The following HPCAL1 variants were observed in gnomAD, a reference collection of about 807,000 sequenced individuals.
HPCAL1 encodes hippocalcin like 1.
In HPCAL1, 8 loss-of-function variants were observed where a neutral mutation model predicts 17.1. The ratio of observed to expected loss-of-function variants is 0.47; its 90% CI spans 0.27 to 0.84. The LOEUF is 0.84. Among genes scored for constraint, HPCAL1 ranks in the 40% least tolerant of loss-of-function variants. The pLI is 0.13. For missense variants in HPCAL1, 165 were observed against 271.1 expected (o/e 0.61, Z 2.75); for synonymous variants, 112 against 111.4 (o/e 1.01, Z -0.03).
At chr2:10,417,299 G>T (rs1270306178) in intron 2 of HPCAL1, among the ~76,000 whole-genome samples, 1 of 151,664 alleles carries the variant, frequency 6.6e-6, no homozygotes, top group African/African-American at 2.4e-5. Context: ...GGAGGCGGAG[G>T]TTGCAGTGAG....
intron 2 of HPCAL1, among the ~76,000 whole-genome samples, chr2:10,399,938 C>T (rs1178460795): frequency 6.6e-6 from 1 of 152,192 alleles, no homozygotes; most frequent in Non-Finnish European, 1.5e-5. Flanking sequence ...CCAGAGTAAA[C>T]CTGGCCCCAA....
At chr2:10,303,674 C>T (rs1366652958) in intron 1 of HPCAL1, 1 of 151,634 alleles carries the variant, frequency 6.6e-6, no homozygotes, top group Non-Finnish European at 1.5e-5. Context: ...GGAACAGGTC[C>T]GTGCGGCCCA....
intron 1 of HPCAL1, among the ~76,000 whole-genome samples, chr2:10,334,582 G>T (rs1000621818): frequency 6.6e-6 from 1 of 151,938 alleles, no homozygotes; most frequent in Non-Finnish European, 1.5e-5. Context: ...TTTGTAATTT[G>T]TTCTTGACTA....
Position 10,359,790 on chromosome 2 carries a change from G to A in HPCAL1, c.-110-37045G>A, listed in dbSNP as rs554415415. Among the ~76,000 whole-genome samples, 126 of 152,272 alleles carry A rather than the reference G, an allele frequency of 8.3e-4. No homozygotes were observed. The highest frequency in any genetic ancestry group is 1.8e-3 in the Admixed American group (28 of 15,304). ...TCCCCGTGTCCCCCACAGCGGTGGC[G>A]GTTTTATTGATGTATTGTGAAGGCA... On this transcript the variant is annotated intron_variant, in intron 1 of 4. Transcript: ENST00000307845. The surrounding 1 kb of genome is among the most constrained non-coding windows in gnomAD (Gnocchi z 4.1).
intron 1 of HPCAL1, among the ~76,000 whole-genome samples, chr2:10,339,864 TGTGCGTTGAGGCCTGAGCCCCTGC>T (rs1279536209): frequency 6.6e-6 from 1 of 152,216 alleles, no homozygotes; most frequent in African/African-American, 2.4e-5. Context: ...CTGGGGTTCC[TGTGCGTTGAGGCCTGAGCCCCTGC>T]GTGCGCCCAG....
chr2:10,313,010 G>A (rs937375841), intron 1 of HPCAL1, among the ~76,000 whole-genome samples: 17 of 152,188 alleles, frequency 1.1e-4, no homozygotes, highest in African/African-American at 2.2e-4. Flanking sequence ...TGGTGAGTTA[G>A]CTGTTCTTTG....
rs563723358 is a variant in HPCAL1, at chr2:10,395,073, A to C, written c.-110-1762A>C. Among the ~76,000 whole-genome samples the C allele has an allele frequency of 1.1e-4, 17 of 151,646 alleles. 1 individual carries two copies. The South Asian group carries it at 3.5e-3, about 32-fold the overall frequency. ...CAGCTTCCCAGAGTGCTGGGATTAC[A>C]GGCGTGAACAATGGTGTCCAGCCTA... On this transcript the variant is annotated intron_variant, in intron 1 of 4. Transcript: ENST00000307845. This position sits in a 1 kb window ranked among gnomAD's most constrained non-coding sequence, Gnocchi z 4.4.
At chr2:10,421,805 C>T (rs948260453) in intron 3 of HPCAL1, among the ~76,000 whole-genome samples, 6 of 152,154 alleles carry the variant, frequency 3.9e-5, no homozygotes, top group Admixed American at 1.3e-4. Flanking sequence ...GTATCAAATC[C>T]GTGAACTTCT....
At chr2:10,410,391 C>T (rs3771126) in intron 2 of HPCAL1, among the ~76,000 whole-genome samples, 40,159 of 148,956 alleles carry the variant, frequency 0.27, 5,777 homozygotes, top group Middle Eastern at 0.38. Flanking sequence ...GGCTCCCCAG[C>T]TGCATGTTTA....
At chr2:10,317,217 T>A (rs1663370506) in intron 1 of HPCAL1, among the ~76,000 whole-genome samples, 3 of 152,198 alleles carry the variant, frequency 2.0e-5, no homozygotes, top group African/African-American at 7.2e-5. Context: ...TACAGTGTGA[T>A]TTCTGACATA....
At chr2:10,333,057 C>G (rs996353330) in intron 1 of HPCAL1, among the ~76,000 whole-genome samples, 1 of 151,614 alleles carries the variant, frequency 6.6e-6, no homozygotes, top group African/African-American at 2.4e-5. Flanking sequence ...CACAGTGGGC[C>G]CTGCCTGAGC....
At chr2:10,339,891 G>A (rs1664966198) in intron 1 of HPCAL1, among the ~76,000 whole-genome samples, 1 of 152,208 alleles carries the variant, frequency 6.6e-6, no homozygotes, top group Non-Finnish European at 1.5e-5. Flanking sequence ...GCCCCTGCGT[G>A]CGCCCAGCGG....
intron 1 of HPCAL1, chr2:10,324,422 G>A (rs1663859788): frequency 6.6e-6 from 1 of 152,218 alleles, no homozygotes; most frequent in Admixed American, 6.5e-5. Flanking sequence ...GGTTCAGCCA[G>A]AACTACCAGT....
Position 10,354,857 on chromosome 2 carries a change from C to T in HPCAL1, c.-110-41978C>T, listed in dbSNP as rs1437740794. On this transcript the variant is annotated intron_variant, in intron 1 of 4. Coordinates refer to ENST00000307845, the MANE Select transcript of HPCAL1 (RefSeq NM_002149.4). This position sits in a 1 kb window ranked among gnomAD's most constrained non-coding sequence, Gnocchi z 5.1. ...CTTGTGTTAGAACTTAATGATGCGA[C>T]GTTTGCTTTGCAAACTGTGGTCCCC... Among the ~76,000 whole-genome samples the T allele has an allele frequency of 4.6e-5, 7 of 152,246 alleles. No homozygotes were observed. Among genetic ancestry groups the T allele is most frequent in the Non-Finnish European group, 8.8e-5 (6 of 68,046 alleles).
intron 3 of HPCAL1, among the ~76,000 whole-genome samples, chr2:10,422,434 C>T (rs1671122769): frequency 6.6e-6 from 1 of 152,202 alleles, no homozygotes; most frequent in African/African-American, 2.4e-5. Context: ...CTGGGCCACT[C>T]AGGCAGAGAC....
At chr2:10,417,648 A>ATTATTGGCACAGG (rs1484649145) in intron 2 of HPCAL1, among the ~76,000 whole-genome samples, 1 of 152,208 alleles carries the variant, frequency 6.6e-6, no homozygotes, top group Admixed American at 6.5e-5. Flanking sequence ...ACCTGCACAG[A>ATTATTGGCACAGG]TTATTTGCAC....
chr2:10,389,315 T>TGTG (rs1558509269), intron 1 of HPCAL1, among the ~76,000 whole-genome samples: 1 of 152,240 alleles, frequency 6.6e-6, no homozygotes, highest in Non-Finnish European at 1.5e-5. Context: ...GCACACTGCC[T>TGTG]GTGGGGTAGC....
rs571704389 is a variant in HPCAL1, at chr2:10,343,444, G to A, written c.-111+40267G>A. Among the ~76,000 whole-genome samples the A allele has an allele frequency of 5.9e-5, 9 of 152,332 alleles. No individual in the cohort carries two copies. Among genetic ancestry groups the A allele is most frequent in the Admixed American group, 1.3e-4 (2 of 15,306 alleles). ...CGGGTGGGAGGTGGGTGTTTGCATAGGCAGGCAGGTGAGCCAGCCTAGTTT... is the reference window on the plus strand; with the variant it reads ...CGGGTGGGAGGTGGGTGTTTGCATAAGCAGGCAGGTGAGCCAGCCTAGTTT... On this transcript the variant is annotated intron_variant, in intron 1 of 4. Transcript: ENST00000307845. This position sits in a 1 kb window ranked among gnomAD's most constrained non-coding sequence, Gnocchi z 4.8.
rs556490906 is a variant in HPCAL1 at position 10,393,709 on chromosome 2, T to A, written c.-110-3126T>A. ...GGGACCTCAATGTGGAGATAGGGTG[T>A]GCTTGCTGAGCGTGCCAGCAGGCTT... On this transcript the variant is annotated intron_variant, in intron 1 of 4. Transcript: ENST00000307845. Among the ~76,000 whole-genome samples, 171 of 152,178 alleles carry A rather than the reference T, an allele frequency of 1.1e-3. 1 individual carries two copies. Among genetic ancestry groups the A allele is most frequent in the Non-Finnish European group, 2.1e-3 (142 of 68,022 alleles).
Sources: allele counts gnomAD v4.1 joint callset (sites outside exome capture counted in the v4.1 genomes callset), GRCh38; gene constraint gnomAD v4.1.1; non-coding constraint Gnocchi (gnomAD v3.1); transcripts MANE v1.5; gene names NCBI Gene and HGNC (gene_info 2026-07-23, HGNC 2026-07-21).